Variants in ICA1L observed in about 807,000 individuals in gnomAD.
ICA1L encodes islet cell autoantigen 1 like, also known as islet cell autoantigen 1-like protein.
In ICA1L, 50 loss-of-function variants were observed where a neutral mutation model predicts 61.3. The observed-to-expected ratio is 0.82, with a 90% CI of 0.65 to 1.03. ICA1L has a LOEUF of 1.03. Among genes scored for constraint, ICA1L ranks in the 50% least tolerant of loss-of-function variants. The pLI is 0.00. For synonymous variants in ICA1L, 161 were observed against 191.3 expected (o/e 0.84, Z 1.31); for missense variants, 508 against 556.7 (o/e 0.91, Z 0.88).
intron 1 of ICA1L, among the ~76,000 whole-genome samples, chr2:202,848,883 C>A (rs1305932468): frequency 1.3e-5 from 2 of 152,078 alleles, no homozygotes; most frequent in South Asian, 4.1e-4. Flanking sequence ...GTCTGCAGCT[C>A]CCAGGGAGAC....
rs561960098 is a variant in ICA1L at position 202,866,563 on chromosome 2, A to G, written c.-8+5056T>C. Among the ~76,000 whole-genome samples, 181 of 152,360 alleles carry G rather than the reference A, an allele frequency of 1.2e-3. 1 individual carries two copies. The highest frequency in any genetic ancestry group is 2.1e-3 in the Non-Finnish European group (141 of 68,040). On this transcript the variant is annotated intron_variant, in intron 1 of 12. Coordinates refer to ENST00000358299, the MANE Select transcript of ICA1L (RefSeq NM_001288622.3). The stretch of plus-strand genomic sequence containing the variant: ...ACAATACAAGGACAACCAGATATCC[A>G]TATGTCAAAAGAATTGCTCAACTCT...
intron 11 of ICA1L, chr2:202,786,914 A>G (rs1200499802): frequency 2.9e-6 from 1 of 340,996 alleles, no homozygotes; most frequent in Non-Finnish European, 5.7e-6. Flanking sequence ...AACATGAAAA[A>G]CCATTTATGC....
intron 3 of ICA1L, among the ~76,000 whole-genome samples, chr2:202,822,674 A>G (rs911792414): frequency 6.6e-6 from 1 of 152,206 alleles, no homozygotes; most frequent in Non-Finnish European, 1.5e-5. Flanking sequence ...AACAAATGTC[A>G]TGCCTAATTT....
At chr2:202,790,474 T>A (rs1448760981) in intron 10 of ICA1L, among the ~76,000 whole-genome samples, 1 of 152,174 alleles carries the variant, frequency 6.6e-6, no homozygotes, top group Non-Finnish European at 1.5e-5. Flanking sequence ...GCTTTCCAAC[T>A]TAGCAAGATG....
intron 4 of ICA1L, among the ~76,000 whole-genome samples, chr2:202,820,521 C>G (rs1177317487): frequency 6.6e-6 from 1 of 152,120 alleles, no homozygotes; most frequent in Non-Finnish European, 1.5e-5. Flanking sequence ...GAACAGAGAA[C>G]CTGCATTCAT....
chr2:202,862,389 G>A (rs1474270167), intron 1 of ICA1L, among the ~76,000 whole-genome samples: 1 of 151,440 alleles, frequency 6.6e-6, no homozygotes, highest in Admixed American at 6.6e-5. Flanking sequence ...GGAAGTGTGA[G>A]GCTGCAGGGA....
At chr2:202,812,847 GA>G (rs1693418810) in intron 8 of ICA1L, among the ~76,000 whole-genome samples, 1 of 152,082 alleles carries the variant, frequency 6.6e-6, no homozygotes, top group African/African-American at 2.4e-5. Flanking sequence ...TAGTTAACTT[GA>G]AAAGTAGCTC....
intron 2 of ICA1L, among the ~76,000 whole-genome samples, chr2:202,826,019 C>T (rs1486979767): frequency 2.0e-5 from 3 of 152,042 alleles, no homozygotes; most frequent in Non-Finnish European, 4.4e-5. Context: ...AGAGTTTGTC[C>T]TCATCTCAGC....
intron 1 of ICA1L, 60 bp from the exon 2 acceptor site, chr2:202,829,076 CG>C (rs1693936675): frequency 2.9e-6 from 4 of 1,389,276 alleles, no homozygotes; most frequent in Non-Finnish European, 3.9e-6. Flanking sequence ...AGGCTGGGCA[CG>C]GTGGCTCACG....
chr2:202,786,201 G>A (rs930977295), intron 11 of ICA1L, among the ~76,000 whole-genome samples, 194 bp from the exon 12 acceptor site: 2 of 152,158 alleles, frequency 1.3e-5, no homozygotes, highest in Admixed American at 6.5e-5. Context: ...AGTTGGATCC[G>A]ACTTCCTTAC....
intron 12 of ICA1L, 45 bp from the exon 13 acceptor site, chr2:202,779,693 AATC>A (rs1254399629): frequency 8.6e-7 from 1 of 1,162,186 alleles, no homozygotes; most frequent in South Asian, 1.4e-5. Flanking sequence ...TCAGTTTTGA[AATC>A]ATGTTTTTGT....
intron 9 of ICA1L, among the ~76,000 whole-genome samples, chr2:202,809,256 G>A (rs1344902728): frequency 6.6e-6 from 1 of 151,832 alleles, no homozygotes; most frequent in African/African-American, 2.4e-5. Flanking sequence ...TTGATATAGT[G>A]AAGAACGCAT....
At chr2:202,856,060 G>A (rs1250447596) in intron 1 of ICA1L, among the ~76,000 whole-genome samples, 3 of 124,602 alleles carry the variant, frequency 2.4e-5, no homozygotes, top group African/African-American at 3.0e-5. Context: ...GTGACAAAGC[G>A]AGACTCCGTC....
Position 202,777,044 on chromosome 2 carries a change from C to CTTTTTTTTTTTTTTTTTT in ICA1L, c.*2471_*2488dup, listed in dbSNP as rs562230381. ...ACAAACTCTCAAGACATAAAGTTAG[C>CTTTTTTTTTTTTTTTTTT]TTTTTTTTTTTTTTTTTTTTTTTTT... On this transcript the variant is annotated 3_prime_UTR_variant, in exon 13 of 13. Transcript: ENST00000358299. The CTTTTTTTTTTTTTTTTTT allele has an allele frequency of 8.7e-5, 6 of 68,584 alleles. 1 individual carries two copies. Among genetic ancestry groups the CTTTTTTTTTTTTTTTTTT allele is most frequent in the African/African-American group, 3.9e-4 (6 of 15,266 alleles). 4.2% of individuals were successfully genotyped at this position (68,584 alleles called of 1,614,324 possible). A position where few individuals can be genotyped will look rare whatever the true frequency, so the allele number is the denominator to read the frequency against.
intron 1 of ICA1L, chr2:202,840,592 G>A (rs553735763): frequency 6.0e-5 from 34 of 566,950 alleles, no homozygotes; most frequent in Middle Eastern, 5.4e-4. Context: ...GGCTCTCCTC[G>A]CCCTCCAGCA....
intron 10 of ICA1L, among the ~76,000 whole-genome samples, chr2:202,791,274 GA>G (rs1692741088): frequency 6.6e-6 from 1 of 152,172 alleles, no homozygotes; most frequent in African/African-American, 2.4e-5. Flanking sequence ...AAGCAAAAAT[GA>G]TAACTTGGAC....
intron 10 of ICA1L, among the ~76,000 whole-genome samples, chr2:202,790,788 A>G (rs1255671738): frequency 6.6e-6 from 1 of 152,202 alleles, no homozygotes; most frequent in Non-Finnish European, 1.5e-5. Context: ...AGGCAAGCCA[A>G]GAAGACCTAA....
Position 202,836,179 on chromosome 2 carries a change from A to G in ICA1L, c.-7-7163T>C, listed in dbSNP as rs916247114. ...GTCATACAAGGCCTTTATTACGTTG[A>G]GAGACATTCTTTCTCTACCTCATTT... is the stretch of plus-strand genomic sequence containing the variant. On this transcript the variant is annotated intron_variant, in intron 1 of 12. Transcript: ENST00000358299. Among the ~76,000 whole-genome samples, 2 of 152,182 alleles carry G rather than the reference A, an allele frequency of 1.3e-5. 1 individual carries two copies. Among genetic ancestry groups the G allele is most frequent in the Admixed American group, 1.3e-4 (2 of 15,272 alleles).
rs867416785 is a variant in ICA1L, at chr2:202,818,941, G to T, written c.558+760C>A. 1.1e-4 allele frequency among the ~76,000 whole-genome samples: 17 copies of T among 152,344 alleles called. No homozygotes were observed. The South Asian group carries it at 1.4e-3, about 13-fold the overall frequency. The stretch of plus-strand genomic sequence containing the variant: ...AGTGTTCAATTAAGTGGCATTTAGT[G>T]CATTCGCAATGTTGTTCAATCACTC... On this transcript the variant is annotated intron_variant, in intron 5 of 12. Transcript: ENST00000358299.
Sources: gnomAD v4.1 joint callset for allele counts (sites outside exome capture counted in the v4.1 genomes callset) on GRCh38, gnomAD v4.1.1 for gene constraint, MANE v1.5 for transcripts, NCBI Gene and HGNC (gene_info 2026-07-23, HGNC 2026-07-21) for gene names.